The following SH3GL1 variants were observed in gnomAD, a reference collection of about 807,000 sequenced individuals.
The protein encoded by SH3GL1 is SH3 domain containing GRB2 like 1, endophilin A2, also known as endophilin-A2.
SH3GL1 carries 21 observed loss-of-function variants against 48.8 expected under a neutral mutation model. That is an observed-to-expected ratio of 0.43 (90% CI 0.30 to 0.62). The LOEUF is 0.62. SH3GL1 is among the 20% of genes least tolerant of loss of function. The probability of loss-of-function intolerance (pLI) is 0.11; values close to 1 mark genes in which losing one functional copy is unlikely to be tolerated. For missense variants in SH3GL1, 454 were observed against 503.0 expected (o/e 0.90, Z 0.93); for synonymous variants, 282 against 217.5 (o/e 1.30, Z -2.61).
rs374240557 is a variant in SH3GL1 at position 4,381,854 on chromosome 19, C to G, written c.46-14860G>C. Among the ~76,000 whole-genome samples, 42 of 151,232 alleles carry G rather than the reference C, an allele frequency of 2.8e-4. No homozygotes were observed. The South Asian group carries it at 5.5e-3, about 20-fold the overall frequency. On this transcript the variant is annotated intron_variant, in intron 1 of 9. Coordinates refer to ENST00000269886, the MANE Select transcript of SH3GL1 (RefSeq NM_003025.4). The stretch of plus-strand genomic sequence containing the variant: ...ACTACAGGCACCCGCCGCCACGCCC[C>G]GCTAATTTTTTGTATTTTTTAGTAG...
chr19:4,366,465 C>A, intron 3 of SH3GL1, 36 bp downstream of exon 3: 1 of 1,556,402 alleles, frequency 6.4e-7, no homozygotes, highest in Non-Finnish European at 8.8e-7. Context: ...GGCCAGAGGG[C>A]CTGGGGCAGG....
In SH3GL1 at chr19:4,385,336, G is replaced by C. The variant is rs547442136; in HGVS notation, c.45+14988C>G. On this transcript the variant is annotated intron_variant, in intron 1 of 9. Transcript: ENST00000269886. ...AAACCCTTTATGATACAACCTTCAT[G>C]AGGTGCCTGAACAAGGGAGGTGCCC... Among the ~76,000 whole-genome samples the C allele has an allele frequency of 2.0e-5, 3 of 152,296 alleles. No individual in the cohort carries two copies. In the East Asian group the frequency reaches 5.8e-4, roughly 29 times the overall value.
At position 4,363,437 on chromosome 19, in the gene SH3GL1, C is replaced by T. The variant is rs1212657460; in HGVS notation, c.661G>A (p.Ala221Thr). ...QVSQLSALVDAQLDYHRQAVQ... is the reference protein window; with the variant it reads ...QVSQLSALVDTQLDYHRQAVQ... ...GCCTGCCGGTGGTAGTCCAGCTGTGCATCCACCAGGGCCGAGAGCTGACTC... is the reference window on the plus strand; with the variant it reads ...GCCTGCCGGTGGTAGTCCAGCTGTGTATCCACCAGGGCCGAGAGCTGACTC... Residue 221 changes from alanine to threonine, a missense_variant, in exon 7 of 10, where the codon GCA (alanine) becomes ACA (threonine). Ala to Thr is a moderately conservative substitution (Grantham distance 58). This residue lies in a region of SH3GL1 where 278 missense variants were observed against 246.8 expected (regional missense o/e 1.13). Transcript: ENST00000269886. 6.2e-7 allele frequency: 1 copy of T among 1,612,848 alleles called. No homozygotes were observed.
intron 1 of SH3GL1, among the ~76,000 whole-genome samples, chr19:4,374,889 C>G (rs909159698): frequency 2.6e-5 from 4 of 152,156 alleles, no homozygotes; most frequent in African/African-American, 9.7e-5. Flanking sequence ...CTGGCCAGTG[C>G]TGCCCAATGG....
At chr19:4,381,960 C>T (rs1324527148) in intron 1 of SH3GL1, among the ~76,000 whole-genome samples, 1 of 152,020 alleles carries the variant, frequency 6.6e-6, no homozygotes, top group East Asian at 1.9e-4. Flanking sequence ...TACAGCCACA[C>T]ACGACGTCTT....
intron 1 of SH3GL1, among the ~76,000 whole-genome samples, chr19:4,399,848 T>C (rs1442288460): frequency 6.6e-6 from 1 of 152,238 alleles, no homozygotes; most frequent in Non-Finnish European, 1.5e-5. Flanking sequence ...AAGGGCTGGC[T>C]GCCCGAGGAG....
intron 3 of SH3GL1, 32 bp from the exon 4 acceptor site, chr19:4,365,657 G>T (rs376605970): frequency 6.2e-5 from 100 of 1,612,010 alleles, no homozygotes; most frequent in Non-Finnish European, 7.4e-5. Flanking sequence ...GGTGTGGGCT[G>T]TGAGGCCTGC....
intron 4 of SH3GL1, chr19:4,364,706 G>A (rs149976629): frequency 6.3e-6 from 1 of 157,978 alleles, no homozygotes; most frequent in Non-Finnish European, 1.4e-5. Context: ...TGGGATTACA[G>A]GCGTGAGCCA....
chr19:4,363,888 T>G lies in SH3GL1; in HGVS notation c.466-10A>C, dbSNP rs781028962. ...GTTTCTTCAGGTGGTGCTGGAGACG[T>G]GGGGGACATGGGTCACACCAGTAGC... On this transcript the variant is annotated splice_polypyrimidine_tract_variant and intron_variant, in intron 5 of 9. Transcript: ENST00000269886. The G allele has an allele frequency of 3.7e-6, 6 of 1,611,776 alleles. No individual in the cohort carries two copies. Among genetic ancestry groups the G allele is most frequent in the Non-Finnish European group, 5.1e-6 (6 of 1,179,964 alleles).
intron 1 of SH3GL1, among the ~76,000 whole-genome samples, chr19:4,397,466 A>C (rs763713748): frequency 3.3e-5 from 5 of 152,214 alleles, no homozygotes; most frequent in Non-Finnish European, 5.9e-5. Context: ...ATTCCTCTAA[A>C]GAGGGTGTCA....
intron 1 of SH3GL1, among the ~76,000 whole-genome samples, chr19:4,385,713 G>A (rs1229597222): frequency 2.6e-5 from 4 of 152,238 alleles, no homozygotes; most frequent in Non-Finnish European, 5.9e-5. Flanking sequence ...AGCCGGGGAG[G>A]CTGCTGTGGG....
intron 1 of SH3GL1, among the ~76,000 whole-genome samples, chr19:4,371,007 A>C (rs369207863): frequency 3.9e-5 from 6 of 152,308 alleles, no homozygotes; most frequent in African/African-American, 1.4e-4. Context: ...TGCATGCCGC[A>C]TGGATTTTCT....
rs146713282 is a variant in SH3GL1, at chr19:4,381,345, C to T, written c.46-14351G>A. 2.0e-3 allele frequency among the ~76,000 whole-genome samples: 251 copies of T among 126,438 alleles called. 1 individual carries two copies. Among genetic ancestry groups the T allele is most frequent in the South Asian group, 2.5e-3 (8 of 3,198 alleles). 82.9% of individuals were successfully genotyped at this position (126,438 alleles called of 152,430 possible). On this transcript the variant is annotated intron_variant, in intron 1 of 9. Transcript: ENST00000269886. The stretch of plus-strand genomic sequence containing the variant: ...GTCTCCCGTCTCTCTGTCCCCTCTG[C>T]CTCTCTCTGTCCCCTCTGCCTGTCT...
In SH3GL1 at chr19:4,362,376, G is replaced by A. The variant is rs1208945799; in HGVS notation, c.863C>T (p.Ser288Phe). ...GATGGGCTTGTCGGAAGATCGGAAAGACGATGAAGCTAAACACAAGCAAAA... is the reference window on the plus strand; with the variant it reads ...GATGGGCTTGTCGGAAGATCGGAAAAACGATGAAGCTAAACACAAGCAAAA... ...TTAPKIAASS[S>F]FRSSDKPIRT... The change falls in exon 9 of 10, where the codon TCT (serine) becomes TTT (phenylalanine). Residue 288 changes from serine to phenylalanine, a missense_variant. Physicochemically the swap from Ser to Phe is radical, Grantham distance 155. Coordinates refer to ENST00000269886, the MANE Select transcript of SH3GL1 (RefSeq NM_003025.4). 9.3e-6 allele frequency: 15 copies of A among 1,611,648 alleles called. No individual in the cohort carries two copies. The highest frequency in any genetic ancestry group is 4.5e-5 in the East Asian group (2 of 44,836).
intron 1 of SH3GL1, among the ~76,000 whole-genome samples, chr19:4,370,024 C>T (rs1568411242): frequency 8.9e-6 from 1 of 112,434 alleles, no homozygotes; most frequent in South Asian, 2.7e-4. Flanking sequence ...CTACTCACTG[C>T]GGTCTCCACA....
chr19:4,383,044 G>A (rs1464125257), intron 1 of SH3GL1, among the ~76,000 whole-genome samples: 1 of 152,056 alleles, frequency 6.6e-6, no homozygotes, highest in Non-Finnish European at 1.5e-5. Flanking sequence ...TCAGGCTTCT[G>A]AGTAATTGTG....
chr19:4,396,565 C>T (rs1230457271), intron 1 of SH3GL1, among the ~76,000 whole-genome samples: 4 of 152,092 alleles, frequency 2.6e-5, no homozygotes, highest in African/African-American at 7.2e-5. Context: ...GGATTAAAGG[C>T]GTGAGCCACC....
chr19:4,363,414 C>T lies in SH3GL1; in HGVS notation c.684G>A (p.Gln228=), dbSNP rs1384065018. ...LVDAQLDYHR[Q]AVQILDELAE... ...CCAGCTCGTCCAGGATCTGCACGGC[C>T]TGCCGGTGGTAGTCCAGCTGTGCAT... Residue 228 remains glutamine (Q), a synonymous_variant, in exon 7 of 10, where the codon CAG becomes CAA. Coordinates refer to ENST00000269886, the MANE Select transcript of SH3GL1 (RefSeq NM_003025.4). 3.7e-6 allele frequency: 6 copies of T among 1,612,258 alleles called. No individual in the cohort carries two copies. Among genetic ancestry groups the T allele is most frequent in the African/African-American group, 1.3e-5 (1 of 75,024 alleles).
chr19:4,361,978 G>A (rs1044282933), intron 9 of SH3GL1, among the ~76,000 whole-genome samples, 182 bp from the exon 10 acceptor site: 1 of 122,366 alleles, frequency 8.2e-6, no homozygotes, highest in Non-Finnish European at 1.7e-5. Flanking sequence ...CCAGGAGGGA[G>A]GATGGGAGAA....
Sources: allele counts gnomAD v4.1 joint callset (sites outside exome capture counted in the v4.1 genomes callset), GRCh38; gene constraint gnomAD v4.1.1; regional missense constraint gnomAD v4.1.1; transcripts MANE v1.5; gene names NCBI Gene and HGNC (gene_info 2026-07-23, HGNC 2026-07-21).